MPHOSPH9: variants seen among roughly 807,000 people sequenced by gnomAD.
The protein encoded by MPHOSPH9 is M-phase phosphoprotein 9.
Under a neutral mutation model 145.5 loss-of-function variants are expected in MPHOSPH9, and 88 were observed. That is an observed-to-expected ratio of 0.60 (90% CI 0.51 to 0.72). The LOEUF (loss-of-function observed/expected upper bound fraction) is 0.72, where lower values mean the gene tolerates loss of function less well. Ranked by LOEUF, MPHOSPH9 falls within the 30% of genes least tolerant of loss-of-function variation. MPHOSPH9 has a pLI of 0.00. For missense variants in MPHOSPH9, 1,238 were observed against 1,386.6 expected (o/e 0.89, Z 1.70); for synonymous variants, 435 against 486.2 (o/e 0.89, Z 1.39).
intron 16 of MPHOSPH9, among the ~76,000 whole-genome samples, chr12:123,170,894 C>A (rs1277692334): frequency 6.6e-6 from 1 of 152,160 alleles, no homozygotes; most frequent in Non-Finnish European, 1.5e-5. Context: ...TCCTGTCTCT[C>A]CATATCTTTG....
intron 6 of MPHOSPH9, among the ~76,000 whole-genome samples, chr12:123,216,488 T>G (rs1226562473): frequency 6.6e-6 from 1 of 152,078 alleles, no homozygotes; most frequent in Non-Finnish European, 1.5e-5. Flanking sequence ...ATTTTGCCAT[T>G]TCAATGTGTT....
At chr12:123,239,406 T>G (rs1306416216) in intron 1 of MPHOSPH9, among the ~76,000 whole-genome samples, 7 of 87,664 alleles carry the variant, frequency 8.0e-5, no homozygotes, top group Non-Finnish European at 1.0e-4. Flanking sequence ...AGTTTTGTTT[T>G]TTTGTTTGTT....
intron 12 of MPHOSPH9, 68 bp downstream of exon 12, chr12:123,198,179 A>G: frequency 2.5e-6 from 3 of 1,184,460 alleles, no homozygotes; most frequent in South Asian, 2.6e-5. Flanking sequence ...GACAAGAAAC[A>G]TAACTGATGT....
rs555791060 is a variant in MPHOSPH9 at position 123,218,519 on chromosome 12, C to A, written c.873-20G>T. The A allele has an allele frequency of 1.5e-5, 24 of 1,602,060 alleles. No homozygotes were observed. The highest frequency in any genetic ancestry group is 3.4e-5 in the South Asian group (3 of 88,356). On this transcript the variant is annotated intron_variant, in intron 5 of 23. Transcript: ENST00000606320. Reference sequence around the variant, plus strand: ...GCATTACTATTTAAGAAGAGAAAACCAAAATTACTTTTTTTTTTTGTTTTG... The same window carrying A: ...GCATTACTATTTAAGAAGAGAAAACAAAAATTACTTTTTTTTTTTGTTTTG...
chr12:123,196,393 A>G (rs1243088037), intron 12 of MPHOSPH9, among the ~76,000 whole-genome samples: 3 of 152,178 alleles, frequency 2.0e-5, no homozygotes, highest in African/African-American at 7.2e-5. Flanking sequence ...AATTTTGTTC[A>G]TAAGGCCATA....
rs981551037 is a variant in MPHOSPH9 at position 123,159,752 on chromosome 12, A to G, written c.3450+1029T>C. 6.6e-6 allele frequency: 1 copy of G among 152,334 alleles called. No homozygotes were observed. Among genetic ancestry groups the G allele is most frequent in the East Asian group, 1.9e-4 (1 of 5,190 alleles). 9.4% of individuals were successfully genotyped at this position (152,334 alleles called of 1,614,324 possible). ...GATATCCAAAATTAGAAGCAACCCA[A>G]ATTTCTACTAAAACATTCTTGGTTA... is the stretch of plus-strand genomic sequence containing the variant. On this transcript the variant is annotated intron_variant, in intron 23 of 23. Transcript: ENST00000606320. The surrounding 1 kb of genome is among the most constrained non-coding windows in gnomAD (Gnocchi z 4.3).
chr12:123,179,799 T>G, intron 15 of MPHOSPH9, 127 bp downstream of exon 15: 1 of 459,342 alleles, frequency 2.2e-6, no homozygotes, highest in Non-Finnish European at 3.9e-6. Flanking sequence ...CAAGGGAAAA[T>G]TAAGACAAAA....
chr12:123,186,051 C>A (rs1453189686), intron 13 of MPHOSPH9, among the ~76,000 whole-genome samples: 7 of 151,584 alleles, frequency 4.6e-5, no homozygotes, highest in Non-Finnish European at 1.0e-4. Flanking sequence ...ATGGTGAAAC[C>A]CCGTTTCTAC....
chr12:123,215,545 T>A (rs2046918020), intron 6 of MPHOSPH9, among the ~76,000 whole-genome samples: 1 of 152,134 alleles, frequency 6.6e-6, no homozygotes, highest in African/African-American at 2.4e-5. Flanking sequence ...ATAAATCAGA[T>A]TAACTCTAAA....
At position 123,202,168 on chromosome 12, in the gene MPHOSPH9, C is replaced by T; in HGVS notation, c.1933G>A (p.Asp645Asn). Residue 645 changes from aspartate to asparagine, a missense_variant, in exon 11 of 24, where the codon GAC becomes AAC. Physicochemically the swap from Asp to Asn is conservative, Grantham distance 23. Coordinates refer to ENST00000606320, the MANE Select transcript of MPHOSPH9 (RefSeq NM_022782.4). ...DWKITNQILV[D>N]RCGQLDSALH... ...CAGCTAAATTATAAATTTTACCTGT[C>T]TACAAGAATTTGATTGGTTATCTTC... is the stretch of plus-strand genomic sequence containing the variant. 3.7e-6 allele frequency: 6 copies of T among 1,605,960 alleles called. No homozygotes were observed. The highest frequency in any genetic ancestry group is 5.1e-6 in the Non-Finnish European group (6 of 1,177,718).
chr12:123,204,555 C>T (rs1008164005), intron 8 of MPHOSPH9, among the ~76,000 whole-genome samples: 4 of 152,098 alleles, frequency 2.6e-5, no homozygotes, highest in African/African-American at 9.7e-5. Flanking sequence ...GAAAATAAGT[C>T]CCTTTATTCA....
intron 5 of MPHOSPH9, among the ~76,000 whole-genome samples, chr12:123,219,859 A>G (rs552713634): frequency 4.0e-4 from 61 of 152,234 alleles, no homozygotes; most frequent in Non-Finnish European, 6.9e-4. Flanking sequence ...ATGAAATGTC[A>G]CTAAATTTAT....
chr12:123,163,574 T>C (rs2044193989), intron 19 of MPHOSPH9, among the ~76,000 whole-genome samples: 1 of 104,844 alleles, frequency 9.5e-6, no homozygotes, highest in African/African-American at 4.1e-5. Flanking sequence ...TGAGATCAAA[T>C]ACATAAGAAG....
intron 4 of MPHOSPH9, 56 bp downstream of exon 4, chr12:123,222,978 GTGTA>G (rs1382455990): frequency 0.018 from 12,088 of 653,406 alleles, 19 homozygotes; most frequent in East Asian, 0.037. Context: ...GTGTGTGTGT[GTGTA>G]TATGTACGTA....
intron 7 of MPHOSPH9, 126 bp downstream of exon 7, chr12:123,214,618 C>A (rs1308482004): frequency 1.4e-6 from 1 of 710,254 alleles, no homozygotes; most frequent in Non-Finnish European, 2.4e-6. Flanking sequence ...TACTACTATA[C>A]AGTATCATCC....
chr12:123,222,509 C>T (rs2047248840), intron 4 of MPHOSPH9, among the ~76,000 whole-genome samples: 1 of 151,978 alleles, frequency 6.6e-6, no homozygotes, highest in African/African-American at 2.4e-5. Context: ...CAAAAATTAG[C>T]CAGGTATGGT....
intron 6 of MPHOSPH9, among the ~76,000 whole-genome samples, chr12:123,216,361 G>A (rs2046959131): frequency 6.6e-6 from 1 of 152,184 alleles, no homozygotes; most frequent in South Asian, 2.1e-4. Context: ...TATGAAGGCT[G>A]TAGGACAATC....
chr12:123,190,316 C>T (rs1350595637), intron 13 of MPHOSPH9, among the ~76,000 whole-genome samples: 1 of 151,992 alleles, frequency 6.6e-6, no homozygotes, highest in Non-Finnish European at 1.5e-5. Context: ...CCACGCCCAA[C>T]TAATTTTTTG....
chr12:123,231,605 G>A (rs1369224959), intron 1 of MPHOSPH9, among the ~76,000 whole-genome samples: 1 of 152,076 alleles, frequency 6.6e-6, no homozygotes, highest in Non-Finnish European at 1.5e-5. Context: ...GCTGAGGTGG[G>A]AGGATCACTT....
Sources: gnomAD v4.1 joint callset for allele counts (sites outside exome capture counted in the v4.1 genomes callset) on GRCh38, gnomAD v4.1.1 for gene constraint, Gnocchi (gnomAD v3.1) non-coding constraint, MANE v1.5 for transcripts, NCBI Gene and HGNC (gene_info 2026-07-23, HGNC 2026-07-21) for gene names.